Variants in CHRM3 observed in about 807,000 individuals in gnomAD.
CHRM3 encodes cholinergic receptor muscarinic 3.
CHRM3 carries 11 observed loss-of-function variants against 41.8 expected under a neutral mutation model. That is an observed-to-expected ratio of 0.26 (90% confidence interval 0.17 to 0.44). The LOEUF (loss-of-function observed/expected upper bound fraction) is 0.44, where lower values mean the gene tolerates loss of function less well. CHRM3 is among the 20% of genes least tolerant of loss of function. The pLI, the probability that CHRM3 is intolerant of heterozygous loss-of-function variation, is 1.00. For missense variants in CHRM3, 571 were observed against 745.4 expected (o/e 0.77, Z 2.72); for synonymous variants, 297 against 301.4 (o/e 0.99, Z 0.15).
chr1:239,468,585 A>G (rs753410869), intron 1 of CHRM3, among the ~76,000 whole-genome samples: 26 of 152,316 alleles, frequency 1.7e-4, no homozygotes, highest in Non-Finnish European at 3.8e-4. Context: ...TTTAAATTCT[A>G]TGCTTTAGAT....
At chr1:239,719,372 A>G (rs542951558) in intron 5 of CHRM3, among the ~76,000 whole-genome samples, 7 of 152,116 alleles carry the variant, frequency 4.6e-5, no homozygotes, top group Admixed American at 2.6e-4. Context: ...ATAGCACCCT[A>G]TAATTCAGCA....
chr1:239,524,768 C>T (rs58994971), intron 2 of CHRM3, among the ~76,000 whole-genome samples: 3,452 of 152,200 alleles, frequency 0.023, 108 homozygotes, highest in African/African-American at 0.073. Context: ...TACCGTGCTG[C>T]ACAGTTGCCT....
chr1:239,579,294 A>AT (rs2148579442), intron 3 of CHRM3, among the ~76,000 whole-genome samples: 1 of 152,296 alleles, frequency 6.6e-6, no homozygotes, highest in Admixed American at 6.5e-5. Context: ...GTTCTTAGGG[A>AT]TTCCCCAGTC....
At chr1:239,459,609 A>T (rs1440297305) in intron 1 of CHRM3, among the ~76,000 whole-genome samples, 1 of 152,178 alleles carries the variant, frequency 6.6e-6, no homozygotes, top group Non-Finnish European at 1.5e-5. Flanking sequence ...TGAAAGCAAC[A>T]TTCATTAATA....
chr1:239,507,903 T>A (rs1407237147), intron 2 of CHRM3, among the ~76,000 whole-genome samples: 1 of 152,140 alleles, frequency 6.6e-6, no homozygotes, highest in Non-Finnish European at 1.5e-5. Flanking sequence ...AAATCAGAGA[T>A]TTAAATAATT....
chr1:239,658,937 C>T lies in CHRM3; in HGVS notation c.-249-19249C>T, dbSNP rs540129305. Among the ~76,000 whole-genome samples the T allele has an allele frequency of 2.2e-3, 329 of 152,112 alleles. 3 individuals carry two copies. The highest frequency in any genetic ancestry group is 7.6e-3 in the African/African-American group (314 of 41,482). ...TATTTTTAGTAGAGACGGGTGTCAC[C>T]GTGTTAGCCAGGCTGGTCTCGAACT... On this transcript the variant is annotated intron_variant, in intron 4 of 6. Transcript: ENST00000676153.
chr1:239,623,499 T>A (rs28785336), intron 3 of CHRM3, among the ~76,000 whole-genome samples: 675 of 62,850 alleles, frequency 0.011, 15 homozygotes, highest in Admixed American at 0.08. Flanking sequence ...TTTTTTTTAA[T>A]TTTTTTTTTT....
intron 5 of CHRM3, among the ~76,000 whole-genome samples, chr1:239,817,697 T>TACAC (rs746362030): frequency 6.6e-6 from 1 of 151,586 alleles, no homozygotes; most frequent in Non-Finnish European, 1.5e-5. Context: ...GTGCTCCCTC[T>TACAC]ACACACACAC....
At chr1:239,850,888 A>G (rs1380517213) in intron 6 of CHRM3, among the ~76,000 whole-genome samples, 1 of 152,134 alleles carries the variant, frequency 6.6e-6, no homozygotes, top group African/African-American at 2.4e-5. Flanking sequence ...TCTTTCCTTT[A>G]TAAGTTACCC....
intron 3 of CHRM3, chr1:239,546,247 T>A (rs1659290918): frequency 6.6e-6 from 1 of 152,190 alleles, no homozygotes; most frequent in Non-Finnish European, 1.5e-5. Context: ...CAGAAGATGT[T>A]AATTTCATTT....
chr1:239,630,927 G>A (rs1049734372), intron 3 of CHRM3, among the ~76,000 whole-genome samples: 2 of 152,082 alleles, frequency 1.3e-5, no homozygotes, highest in Non-Finnish European at 2.9e-5. Context: ...AGGAGATCTT[G>A]GGAGAGGAGG....
rs1163683496 is a variant in CHRM3, at chr1:239,797,387, TA to T, written c.-146-29861del. On this transcript the variant is annotated intron_variant, in intron 5 of 6. Transcript: ENST00000676153. ...TCTCTATAATACTTTAAAAATAAAA[TA>T]AAAGGGATACTCATTCTTTAAAAAA... Among the ~76,000 whole-genome samples, 28 of 142,670 alleles carry T rather than the reference TA, an allele frequency of 2.0e-4. No homozygotes were observed. In the East Asian group the frequency reaches 5.3e-3, roughly 27 times the overall value. The allele number at this position is 142,670 out of a possible 152,430, so 93.6% of individuals were successfully genotyped here.
At chr1:239,732,137 A>G (rs552768642) in intron 5 of CHRM3, among the ~76,000 whole-genome samples, 53 of 152,132 alleles carry the variant, frequency 3.5e-4, no homozygotes, top group African/African-American at 9.6e-4. Context: ...ATGAAGTTCA[A>G]TGATTCAAAT....
chr1:239,802,500 C>G (rs1670299708), intron 5 of CHRM3, among the ~76,000 whole-genome samples: 1 of 152,150 alleles, frequency 6.6e-6, no homozygotes, highest in Non-Finnish European at 1.5e-5. Flanking sequence ...CCTCTGTTGT[C>G]CAACAGCAGC....
chr1:239,494,403 T>C (rs77219640), intron 2 of CHRM3, among the ~76,000 whole-genome samples: 9,570 of 152,156 alleles, frequency 0.063, 686 homozygotes, highest in African/African-American at 0.17. Flanking sequence ...CTCAAATCCG[T>C]ACTATGTGCA....
intron 1 of CHRM3, among the ~76,000 whole-genome samples, chr1:239,480,569 T>TG (rs1305134200): frequency 4.4e-5 from 6 of 135,446 alleles, no homozygotes; most frequent in African/African-American, 1.1e-4. Context: ...TTTTTTTTTT[T>TG]TTGTTGAGAC....
chr1:239,711,175 T>G (rs560830274), intron 5 of CHRM3, among the ~76,000 whole-genome samples: 1 of 152,236 alleles, frequency 6.6e-6, no homozygotes, highest in African/African-American at 2.4e-5. Flanking sequence ...CCCATCTGCT[T>G]CTTCCACTAC....
chr1:239,756,121 C>A lies in CHRM3; in HGVS notation c.-146-71131C>A, dbSNP rs371188562. Among the ~76,000 whole-genome samples, 4 of 152,138 alleles carry A rather than the reference C, an allele frequency of 2.6e-5. No homozygotes were observed. In the East Asian group the frequency reaches 7.7e-4, roughly 29 times the overall value. ...ATTCTGACCTACAGATTTCTTGGTA[C>A]TGTATGTATTATGGCAAAGCCCGCA... On this transcript the variant is annotated intron_variant, in intron 5 of 6. Transcript: ENST00000676153.
At chr1:239,462,830 T>C (rs1245370013) in intron 1 of CHRM3, among the ~76,000 whole-genome samples, 1 of 152,228 alleles carries the variant, frequency 6.6e-6, no homozygotes, top group African/African-American at 2.4e-5. Context: ...TAAAATTCCA[T>C]AGTGGGAAGT....
Sources: gnomAD v4.1 joint callset for allele counts (sites outside exome capture counted in the v4.1 genomes callset) on GRCh38, gnomAD v4.1.1 for gene constraint, MANE v1.5 for transcripts, NCBI Gene and HGNC (gene_info 2026-07-23, HGNC 2026-07-21) for gene names.